Variants in CD72 observed in about 807,000 individuals in gnomAD.
CD72 encodes B-cell differentiation antigen CD72.
Under a neutral mutation model 50.7 loss-of-function variants are expected in CD72, and 28 were observed. The ratio of observed to expected loss-of-function variants is 0.55; its 90% confidence interval spans 0.41 to 0.76. The LOEUF is 0.76. Among genes scored for constraint, CD72 ranks in the 30% least tolerant of loss-of-function variants. The probability of loss-of-function intolerance (pLI) is 0.00; values close to 1 mark genes in which losing one functional copy is unlikely to be tolerated. For synonymous variants in CD72, 176 were observed against 171.2 expected (o/e 1.03, Z -0.22); for missense variants, 403 against 420.6 (o/e 0.96, Z 0.37).
rs763917014 is a variant in CD72, at chr9:35,616,593, TACTC to T, written c.352+3_352+6del. On this transcript the variant is annotated splice_donor_5th_base_variant and intron_variant, in intron 4 of 8. Coordinates refer to ENST00000259633, the MANE Select transcript of CD72 (RefSeq NM_001782.3). ...TGTAAGTGGGAAGTAGGGACAGCCTTACTCACAGCGCACTCCCAGGCAGATGGCG... is the reference window on the plus strand; with the variant it reads ...TGTAAGTGGGAAGTAGGGACAGCCTTACAGCGCACTCCCAGGCAGATGGCG... The T allele has an allele frequency of 3.1e-6, 5 of 1,609,792 alleles. No homozygotes were observed. Among genetic ancestry groups the T allele is most frequent in the East Asian group, 2.2e-5 (1 of 44,844 alleles).
chr9:35,613,798 G>GT (rs1329287987), intron 5 of CD72, among the ~76,000 whole-genome samples: 1 of 152,118 alleles, frequency 6.6e-6, no homozygotes, highest in Non-Finnish European at 1.5e-5. Flanking sequence ...GAAGTCAGGA[G>GT]TTTAAGACCA....
intron 1 of CD72, among the ~76,000 whole-genome samples, chr9:35,645,199 C>CAAAA (rs539705878): frequency 5.3e-5 from 5 of 95,140 alleles, no homozygotes; most frequent in African/African-American, 2.6e-4. Context: ...AACTCCGTCT[C>CAAAA]AAAAAAAAAA....
exon 1 of CD72, chr9:35,646,418 G>A (rs1455528683): frequency 6.6e-6 from 1 of 152,260 alleles, no homozygotes; most frequent in Non-Finnish European, 1.5e-5. Flanking sequence ...GGTGGAGACG[G>A]GGAGAGAAAT....
At chr9:35,618,649 G>A (rs16932517), upstream of CD72, 26 of 652,230 alleles carry the variant, frequency 4.0e-5, no homozygotes, top group Admixed American at 7.7e-4. Context: ...CCCCAAACTC[G>A]GTCCTTCTGG....
Position 35,616,259 on chromosome 9 carries a change from C to A in CD72, c.372G>T (p.Gln124His), listed in dbSNP as rs1426581302. 3 of 1,613,564 alleles carry A rather than the reference C, an allele frequency of 1.9e-6. No homozygotes were observed. The highest frequency in any genetic ancestry group is 2.5e-6 in the Non-Finnish European group (3 of 1,179,674). ...CCAGAACCCTGTTCGTCTGCTGGAG[C>A]TGCTGAGACACCTGCAGATCTGTTT... ...LGVRYLQVSQ[Q>H]LQQTNRVLEV... Residue 124 changes from glutamine (Q) to histidine (H), a missense_variant, in exon 5 of 9, where the codon CAG becomes CAT. Transcript: ENST00000259633.
At chr9:35,635,893 C>T (rs1024366602) in intron 1 of CD72, among the ~76,000 whole-genome samples, 1 of 152,094 alleles carries the variant, frequency 6.6e-6, no homozygotes, top group Admixed American at 6.5e-5. Flanking sequence ...GAATGGAGAA[C>T]CTCACTAGAG....
chr9:35,632,859 C>T (rs919281321), intron 1 of CD72, among the ~76,000 whole-genome samples: 3 of 147,272 alleles, frequency 2.0e-5, no homozygotes, highest in South Asian at 2.2e-4. Flanking sequence ...ATTTCAGGCA[C>T]GAGCCACTGT....
chr9:35,636,444 T>C (rs771292448), intron 1 of CD72, among the ~76,000 whole-genome samples: 5 of 152,138 alleles, frequency 3.3e-5, no homozygotes, highest in Non-Finnish European at 2.9e-5. Flanking sequence ...CAGTAAAGGA[T>C]AGGGAAGCAA....
chr9:35,615,480 G>T (rs960802261), intron 5 of CD72, among the ~76,000 whole-genome samples: 1 of 152,054 alleles, frequency 6.6e-6, no homozygotes, highest in African/African-American at 2.4e-5. Context: ...AGTGCTGAGC[G>T]CCTCACTGCC....
chr9:35,635,816 T>C (rs185700585), intron 1 of CD72, among the ~76,000 whole-genome samples: 60 of 152,314 alleles, frequency 3.9e-4, no homozygotes, highest in African/African-American at 1.4e-3. Context: ...GAATTCTCTC[T>C]GCTTGGAGCC....
chr9:35,619,986 T>A (rs1277785483), upstream of CD72, among the ~76,000 whole-genome samples: 3 of 136,168 alleles, frequency 2.2e-5, no homozygotes, highest in Admixed American at 2.3e-4. Context: ...GAGAGTGGTA[T>A]GTGGTGGTGA....
In CD72 at chr9:35,636,016, G is replaced by A. The variant is rs569448528; in HGVS notation, n.408+10387C>T. On this transcript the variant is annotated intron_variant and non_coding_transcript_variant, in intron 1 of 3. Transcript: ENST00000465754. Reference sequence around the variant, plus strand: ...GAAAGTAGTTACCTCTGGGAACTATGACTGGGAGTAGGAATTGGAATTGGG... The same window carrying A: ...GAAAGTAGTTACCTCTGGGAACTATAACTGGGAGTAGGAATTGGAATTGGG... Among the ~76,000 whole-genome samples the A allele has an allele frequency of 2.0e-5, 3 of 152,194 alleles. 1 individual carries two copies. In the South Asian group the frequency reaches 6.2e-4, roughly 31 times the overall value.
chr9:35,617,800 G>T (rs754499686), intron 2 of CD72, among the ~76,000 whole-genome samples: 8 of 152,128 alleles, frequency 5.3e-5, no homozygotes, highest in Non-Finnish European at 5.9e-5. Context: ...GCATGGGGGC[G>T]CACGCCTGCA....
chr9:35,636,184 C>CCT (rs1823288194), intron 1 of CD72, among the ~76,000 whole-genome samples: 1 of 152,136 alleles, frequency 6.6e-6, no homozygotes, highest in Non-Finnish European at 1.5e-5. Flanking sequence ...GACCTCTTTC[C>CCT]ACTACCACCC....
intron 8 of CD72, 58 bp downstream of exon 8, chr9:35,610,532 CTCTGAGTCCCTG>C: frequency 3.3e-6 from 1 of 301,744 alleles, no homozygotes; most frequent in Non-Finnish European, 4.6e-6. Context: ...TGGGCCCCTG[CTCTGAGTCCCTG>C]CTCTGAGTCC....
chr9:35,615,829 G>A (rs1026106745), intron 5 of CD72, 114 bp downstream of exon 5: 3 of 793,778 alleles, frequency 3.8e-6, no homozygotes, highest in Non-Finnish European at 6.0e-6. Context: ...CACCACTCTG[G>A]TTCACTGCCC....
rs368838926 is a variant in CD72, at chr9:35,644,018, C to T, written n.408+2385G>A. Among the ~76,000 whole-genome samples the T allele has an allele frequency of 8.0e-4, 119 of 148,712 alleles. 1 individual carries two copies. In the South Asian group the frequency reaches 0.016, roughly 20 times the overall value. On this transcript the variant is annotated intron_variant and non_coding_transcript_variant, in intron 1 of 3. Transcript: ENST00000465754. ...ACAAACAAACAAACTGTAGAAGGCA[C>T]TTTAGAACGCTTCTCCTGAAAAGGA...
At chr9:35,620,321 T>A (rs1359487923), upstream of CD72, among the ~76,000 whole-genome samples, 1 of 151,982 alleles carries the variant, frequency 6.6e-6, no homozygotes, top group Non-Finnish European at 1.5e-5. Context: ...TACAAAAAAA[T>A]TAGCCTGGTG....
At chr9:35,640,679 C>T (rs983568776) in intron 1 of CD72, among the ~76,000 whole-genome samples, 27 of 152,160 alleles carry the variant, frequency 1.8e-4, no homozygotes, top group African/African-American at 1.2e-4. Flanking sequence ...GGCAGGTCTG[C>T]GACAGTGGCA....
Sources: allele counts gnomAD v4.1 joint callset (sites outside exome capture counted in the v4.1 genomes callset), GRCh38; gene constraint gnomAD v4.1.1; transcripts MANE v1.5; gene names NCBI Gene and HGNC (gene_info 2026-07-23, HGNC 2026-07-21).